AHCYL2: variants seen among roughly 807,000 people sequenced by gnomAD.
AHCYL2 encodes the protein adenosylhomocysteinase like 2.
AHCYL2 carries 28 observed loss-of-function variants against 81.4 expected under a neutral mutation model. The ratio of observed to expected loss-of-function variants is 0.34; its 90% CI spans 0.25 to 0.47. The LOEUF (loss-of-function observed/expected upper bound fraction) is 0.47, where lower values mean the gene tolerates loss of function less well. AHCYL2 is among the 20% of genes least tolerant of loss of function. The pLI is 1.00. For missense variants in AHCYL2, 551 were observed against 785.1 expected (o/e 0.70, Z 3.56); for synonymous variants, 272 against 290.2 (o/e 0.94, Z 0.64).
chr7:129,320,916 T>C (rs1797992041), intron 1 of AHCYL2, among the ~76,000 whole-genome samples: 1 of 152,240 alleles, frequency 6.6e-6, no homozygotes, highest in African/African-American at 2.4e-5. Flanking sequence ...TTAGCACATA[T>C]CATTACTTCA....
At position 129,225,081 on chromosome 7, in the gene AHCYL2, C is replaced by G. The variant is rs1041078777; in HGVS notation, c.5C>G (p.Ser2Trp). 10 of 1,592,032 alleles carry G rather than the reference C, an allele frequency of 6.3e-6. No individual in the cohort carries two copies. Among genetic ancestry groups the G allele is most frequent in the Non-Finnish European group, 8.5e-6 (10 of 1,170,836 alleles). ...GTGGTTGCAGCGGAGGCGGTGATGT[C>G]GGTGCAGGTTGTGTCAGCCGCGGCT... M[S>W]VQVVSAAAAA... The change falls in exon 1 of 17, where the codon TCG (serine) becomes TGG (tryptophan). Residue 2 changes from serine to tryptophan, a missense_variant. Around this residue, in one of 2 missense-constraint regions of AHCYL2, gnomAD observed 235 missense variants for 242.1 expected, o/e 0.97. Coordinates refer to ENST00000325006, the MANE Select transcript of AHCYL2 (RefSeq NM_015328.4).
Position 129,403,860 on chromosome 7 carries a change from C to CAAAA in AHCYL2, c.1025+403_1025+406dup, listed in dbSNP as rs34806455. ...TGGGTGACAGAGCGAGACTCCATCT[C>CAAAA]AAAAAAAAAAAAAAAAAAAAAAAAA... is the stretch of plus-strand genomic sequence containing the variant. On this transcript the variant is annotated intron_variant, in intron 7 of 16. Transcript: ENST00000325006. Among the ~76,000 whole-genome samples the CAAAA allele has an allele frequency of 1.3e-3, 108 of 80,204 alleles. 7 individuals carry two copies. Among genetic ancestry groups the CAAAA allele is most frequent in the African/African-American group, 2.2e-3 (54 of 24,952 alleles). The allele number at this position is 80,204 out of a possible 152,430, so 52.6% of individuals were successfully genotyped here. A position where few individuals can be genotyped will look rare whatever the true frequency, so the allele number is the denominator to read the frequency against.
chr7:129,250,775 A>G (rs1032579256), intron 1 of AHCYL2, among the ~76,000 whole-genome samples: 1 of 151,968 alleles, frequency 6.6e-6, no homozygotes, highest in Non-Finnish European at 1.5e-5. Context: ...CTTGACATTT[A>G]TATGTCTCTT....
chr7:129,305,728 C>T (rs1456397739), intron 1 of AHCYL2, among the ~76,000 whole-genome samples: 1 of 152,196 alleles, frequency 6.6e-6, no homozygotes, highest in African/African-American at 2.4e-5. Context: ...TCATTAGCAT[C>T]CTCTTCTTTC....
rs563722991 is a variant in AHCYL2, at chr7:129,266,289, A to G, written c.363+40850A>G. 2.0e-5 allele frequency among the ~76,000 whole-genome samples: 3 copies of G among 152,370 alleles called. No homozygotes were observed. In the East Asian group the frequency reaches 5.8e-4, roughly 29 times the overall value. On this transcript the variant is annotated intron_variant, in intron 1 of 16. Transcript: ENST00000325006. Reference sequence around the variant, plus strand: ...AAATTGACTTTGTTCAATTGACTTAAGCAAAAAAGGTAGTGGATGAGAAGG... The same window carrying G: ...AAATTGACTTTGTTCAATTGACTTAGGCAAAAAAGGTAGTGGATGAGAAGG...
intron 1 of AHCYL2, among the ~76,000 whole-genome samples, chr7:129,263,926 G>C (rs1045409925): frequency 1.3e-5 from 2 of 152,246 alleles, no homozygotes; most frequent in Non-Finnish European, 2.9e-5. Context: ...AGAGAAGGAA[G>C]AGAGTTATGT....
intron 12 of AHCYL2, among the ~76,000 whole-genome samples, chr7:129,416,558 G>T (rs1414371409): frequency 2.6e-5 from 4 of 152,156 alleles, no homozygotes; most frequent in Non-Finnish European, 5.9e-5. Flanking sequence ...AGCACTTTGA[G>T]AGGCCGAGAC....
rs2150904884 is a variant in AHCYL2 at position 129,389,111 on chromosome 7, A to G, written c.531A>G (p.Gln177=). Residue 177 remains glutamine (Q), a synonymous_variant, in exon 3 of 17, where the codon CAA becomes CAG. Transcript: ENST00000325006. The part of the protein sequence containing the change: ...DDETSPRDKQ[Q]KNSKGSSDFC... ...AGACATCGCCCAGGGACAAGCAGCA[A>G]AAGAACTCTAAGGGAAGCAGTGACT... 2 of 1,614,016 alleles carry G rather than the reference A, an allele frequency of 1.2e-6. No individual in the cohort carries two copies. The highest frequency in any genetic ancestry group is 1.7e-6 in the Non-Finnish European group (2 of 1,179,940).
intron 2 of AHCYL2, among the ~76,000 whole-genome samples, chr7:129,387,189 A>C (rs1795242908): frequency 6.6e-6 from 1 of 152,216 alleles, no homozygotes; most frequent in Non-Finnish European, 1.5e-5. Context: ...TAATTTTGTA[A>C]CTAGTTATTT....
intron 1 of AHCYL2, among the ~76,000 whole-genome samples, chr7:129,297,137 A>C (rs1797077298): frequency 6.6e-6 from 1 of 152,162 alleles, no homozygotes; most frequent in African/African-American, 2.4e-5. Context: ...GTGATTGGGG[A>C]TGTGAAAGGT....
At chr7:129,243,706 C>T (rs1006652200) in intron 1 of AHCYL2, among the ~76,000 whole-genome samples, 1 of 151,930 alleles carries the variant, frequency 6.6e-6, no homozygotes, top group African/African-American at 2.4e-5. Context: ...CTCAGCCTCC[C>T]GAGTAGCTGG....
At chr7:129,404,676 AAAAC>A (rs1210151833) in intron 7 of AHCYL2, among the ~76,000 whole-genome samples, 2 of 152,174 alleles carry the variant, frequency 1.3e-5, no homozygotes, top group Non-Finnish European at 2.9e-5. Flanking sequence ...ACTCCATCTC[AAAAC>A]AAACAAACAA....
At chr7:129,315,413 A>G (rs1019601799) in intron 1 of AHCYL2, among the ~76,000 whole-genome samples, 4 of 151,938 alleles carry the variant, frequency 2.6e-5, no homozygotes, top group Non-Finnish European at 5.9e-5. Flanking sequence ...ACATCATGTC[A>G]TTTGTTTCCC....
chr7:129,242,493 G>A (rs1364060979), intron 1 of AHCYL2, among the ~76,000 whole-genome samples: 5 of 152,104 alleles, frequency 3.3e-5, no homozygotes, highest in South Asian at 4.1e-4. Flanking sequence ...CAAGGGGGGC[G>A]GATCACGAGG....
chr7:129,355,676 G>C (rs1272370821), intron 1 of AHCYL2, among the ~76,000 whole-genome samples: 1 of 152,160 alleles, frequency 6.6e-6, no homozygotes, highest in Non-Finnish European at 1.5e-5. Context: ...TTAGCTGCTA[G>C]AGAATGAGTT....
At chr7:129,389,585 C>G (rs779785208) in intron 3 of AHCYL2, 49 bp from the exon 4 acceptor site, 1 of 1,437,344 alleles carries the variant, frequency 7.0e-7, no homozygotes, top group Non-Finnish European at 9.6e-7. Context: ...GTTCTTTTAT[C>G]TCTTATTCCT....
chr7:129,321,573 A>G (rs936616700), intron 1 of AHCYL2, among the ~76,000 whole-genome samples: 2 of 152,158 alleles, frequency 1.3e-5, no homozygotes, highest in African/African-American at 4.8e-5. Flanking sequence ...AAATTTGTTA[A>G]GAACTTTTAC....
chr7:129,375,864 G>T, intron 1 of AHCYL2: 1 of 1,536,036 alleles, frequency 6.5e-7, no homozygotes, highest in Non-Finnish European at 8.7e-7. Context: ...GGCTGGTAAT[G>T]TCACTATGCT....
intron 1 of AHCYL2, among the ~76,000 whole-genome samples, chr7:129,248,046 T>A (rs1462436785): frequency 6.6e-6 from 1 of 152,230 alleles, no homozygotes; most frequent in Non-Finnish European, 1.5e-5. Flanking sequence ...AAGTCCCCAT[T>A]TTTTCCCTTC....
Sources: gnomAD v4.1 joint callset for allele counts (sites outside exome capture counted in the v4.1 genomes callset) on GRCh38, gnomAD v4.1.1 for gene constraint, gnomAD v4.1.1 regional missense constraint, MANE v1.5 for transcripts, NCBI Gene and HGNC (gene_info 2026-07-23, HGNC 2026-07-21) for gene names.